Variants in PUM3 observed in about 807,000 individuals in gnomAD.
PUM3 encodes pumilio RNA binding family member 3.
PUM3 carries 91 observed loss-of-function variants against 84.0 expected under a neutral mutation model. The observed-to-expected ratio is 1.08, with a 90% CI of 0.91 to 1.29. The LOEUF (loss-of-function observed/expected upper bound fraction) is 1.29, where lower values mean the gene tolerates loss of function less well. Among genes scored for constraint, PUM3 ranks in the 50% most tolerant of loss-of-function variants. The pLI is 0.00. For synonymous variants in PUM3, 321 were observed against 266.7 expected (o/e 1.20, Z -1.98); for missense variants, 1,067 against 767.5 (o/e 1.39, Z -4.61).
intron 16 of PUM3, among the ~76,000 whole-genome samples, chr9:2,809,407 G>A (rs1821320751): frequency 6.6e-6 from 1 of 152,132 alleles, no homozygotes; most frequent in South Asian, 2.1e-4. Context: ...TAATGAAAAA[G>A]ATTATTCCAT....
At chr9:2,834,241 A>T in intron 3 of PUM3, 75 bp from the exon 4 acceptor site, 1 of 1,314,966 alleles carries the variant, frequency 7.6e-7, no homozygotes, top group East Asian at 2.4e-5. Flanking sequence ...TTAGGTAAAA[A>T]GGGCAATCAC....
intron 13 of PUM3, among the ~76,000 whole-genome samples, chr9:2,814,881 AT>A (rs1821441201): frequency 6.6e-6 from 1 of 152,044 alleles, no homozygotes; most frequent in Non-Finnish European, 1.5e-5. Flanking sequence ...TTTAGTTAAC[AT>A]TTTTTTCCTT....
At chr9:2,814,844 G>C (rs1175687026) in intron 13 of PUM3, among the ~76,000 whole-genome samples, 4 of 152,126 alleles carry the variant, frequency 2.6e-5, no homozygotes, top group African/African-American at 4.8e-5. Context: ...AGTATGTAGT[G>C]AACAACTATA....
At position 2,815,322 on chromosome 9, in the gene PUM3, A is replaced by G. The variant is rs192694923; in HGVS notation, c.1270-2960T>C. 6.9e-4 allele frequency among the ~76,000 whole-genome samples: 105 copies of G among 152,282 alleles called. 1 individual carries two copies. The highest frequency in any genetic ancestry group is 2.5e-3 in the African/African-American group (103 of 41,552). Reference sequence around the variant, plus strand: ...TTACAGCTTTCCCCTACCATCAAAAACATACACCTTTGAAAGAGTACTACT... The same window carrying G: ...TTACAGCTTTCCCCTACCATCAAAAGCATACACCTTTGAAAGAGTACTACT... On this transcript the variant is annotated intron_variant, in intron 13 of 17. Transcript: ENST00000397885.
chr9:2,841,557 G>A (rs946299367), intron 1 of PUM3, among the ~76,000 whole-genome samples: 2 of 152,168 alleles, frequency 1.3e-5, no homozygotes, highest in Non-Finnish European at 2.9e-5. Flanking sequence ...AACAGAGTGA[G>A]ACTCTATTTC....
At position 2,834,682 on chromosome 9, in the gene PUM3, G is replaced by A. The variant is rs551387748; in HGVS notation, c.305-516C>T. 2.6e-5 allele frequency among the ~76,000 whole-genome samples: 4 copies of A among 152,266 alleles called. No individual in the cohort carries two copies. In the South Asian group the frequency reaches 8.3e-4, roughly 32 times the overall value. ...TTCCATGGTGGGGAAAAAGAACAAA[G>A]CAGTTGAGCTCTCTATCTGAGGCCA... On this transcript the variant is annotated intron_variant, in intron 3 of 17. Coordinates refer to ENST00000397885, the MANE Select transcript of PUM3 (RefSeq NM_014878.5).
In PUM3 at chr9:2,820,073, A is replaced by C; in HGVS notation, c.1214T>G (p.Leu405Arg). The change falls in exon 13 of 18, where the codon CTG (leucine) becomes CGG (arginine). Residue 405 changes from leucine to arginine, a missense_variant. By Grantham distance (102) the Leu-to-Arg change is moderately radical. Transcript: ENST00000397885. Reference sequence around the variant, plus strand: ...ATCATCAATACAATCAAATGCCGCCAGTAAAACCAAATGGGAGTATTGGCC... The same window carrying C: ...ATCATCAATACAATCAAATGCCGCCCGTAAAACCAAATGGGAGTATTGGCC... ...ANGQYSHLVL[L>R]AAFDCIDDTK... 6.2e-7 allele frequency: 1 copy of C among 1,612,816 alleles called. No homozygotes were observed. The highest frequency in any genetic ancestry group is 8.5e-7 in the Non-Finnish European group (1 of 1,178,958).
intron 16 of PUM3, among the ~76,000 whole-genome samples, chr9:2,809,591 A>C (rs969246836): frequency 6.6e-6 from 1 of 152,190 alleles, no homozygotes; most frequent in Non-Finnish European, 1.5e-5. Flanking sequence ...ACATGAATTC[A>C]TGATCTGTCA....
Position 2,830,988 on chromosome 9 carries a change from A to G in PUM3, c.651T>C (p.Asn217=). ...CATACATGAGAAATTTCTTAACAAT[A>G]TTTCTCGAATATTTGGCTTTACTTA... ...VELSKAKYSR[N]IVKKFLMYGS... The change falls in exon 7 of 18, where the codon AAT becomes AAC. Residue 217 remains asparagine, a synonymous_variant. Coordinates refer to ENST00000397885, the MANE Select transcript of PUM3 (RefSeq NM_014878.5). 6.7e-7 allele frequency: 1 copy of G among 1,489,820 alleles called. No homozygotes were observed. The highest frequency in any genetic ancestry group is 1.2e-5 in the South Asian group (1 of 86,364). The allele number at this position is 1,489,820 out of a possible 1,614,324, so 92.3% of individuals were successfully genotyped here.
At position 2,829,862 on chromosome 9, in the gene PUM3, A is replaced by T. The variant is rs769701789; in HGVS notation, c.764T>A (p.Val255Glu). 1 of 1,614,056 alleles carries T rather than the reference A, an allele frequency of 6.2e-7. No individual in the cohort carries two copies. Among genetic ancestry groups the T allele is most frequent in the South Asian group, 1.1e-5 (1 of 91,090 alleles). ...GGCTTTGTCATTGTATGCGTACTCCACGATGGCTGATGCTTCCGCATGCCG... is the reference window on the plus strand; with the variant it reads ...GGCTTTGTCATTGTATGCGTACTCCTCGATGGCTGATGCTTCCGCATGCCG... ...MLRHAEASAIVEYAYNDKAIL... is the reference protein window; with the variant it reads ...MLRHAEASAIEEYAYNDKAIL... Residue 255 changes from valine to glutamate, a missense_variant, in exon 8 of 18, where the codon GTG becomes GAG. Val to Glu is a moderately radical substitution (Grantham distance 121). Coordinates refer to ENST00000397885, the MANE Select transcript of PUM3 (RefSeq NM_014878.5).
intron 2 of PUM3, 140 bp downstream of exon 2, chr9:2,838,286 T>C: frequency 3.1e-6 from 2 of 641,988 alleles, no homozygotes; most frequent in Non-Finnish European, 5.6e-6. Flanking sequence ...AGCAACATGT[T>C]AACTCATACA....
intron 13 of PUM3, among the ~76,000 whole-genome samples, chr9:2,813,859 C>T (rs889076528): frequency 3.9e-5 from 6 of 152,132 alleles, no homozygotes; most frequent in Non-Finnish European, 5.9e-5. Context: ...AGCTAACACT[C>T]GTTAAGTGCT....
intron 10 of PUM3, among the ~76,000 whole-genome samples, chr9:2,826,434 A>G (rs2129846422): frequency 6.6e-6 from 1 of 152,088 alleles, no homozygotes; most frequent in African/African-American, 2.4e-5. Flanking sequence ...AAGAGGGTCA[A>G]AACTCCAATG....
In PUM3 at chr9:2,834,113, GTTCT is replaced by G. The variant is rs771254842; in HGVS notation, c.354_357del (p.Lys118AsnfsTer2). ...TCACTGAGTTGTCTGCTTTGCTTCA[GTTCT>G]TTCTTCTTCTTTTTGAAGTCATCCC... On this transcript the variant is annotated frameshift_variant, in exon 4 of 18. Coordinates refer to ENST00000397885, the MANE Select transcript of PUM3 (RefSeq NM_014878.5). LOFTEE classifies it high-confidence loss of function. The G allele has an allele frequency of 6.2e-7, 1 of 1,613,636 alleles. No homozygotes were observed. The highest frequency in any genetic ancestry group is 8.5e-7 in the Non-Finnish European group (1 of 1,179,720).
chr9:2,826,449 T>C (rs534403471), intron 10 of PUM3, among the ~76,000 whole-genome samples: 1 of 150,926 alleles, frequency 6.6e-6, no homozygotes, highest in South Asian at 2.1e-4. Context: ...CCAATGAATG[T>C]ATAGTCTGGC....
intron 3 of PUM3, among the ~76,000 whole-genome samples, chr9:2,835,218 G>C (rs1376166438): frequency 6.6e-6 from 1 of 152,156 alleles, no homozygotes; most frequent in East Asian, 1.9e-4. Flanking sequence ...TTTGAGATCA[G>C]CCTGGGCGAA....
intron 11 of PUM3, among the ~76,000 whole-genome samples, chr9:2,824,242 G>C (rs543597012): frequency 1.3e-5 from 2 of 152,016 alleles, no homozygotes; most frequent in Non-Finnish European, 2.9e-5. Context: ...ATCTTTTAAA[G>C]GCAGAATTAT....
At chr9:2,805,590 A>G (rs957023092) in intron 17 of PUM3, among the ~76,000 whole-genome samples, 1 of 152,338 alleles carries the variant, frequency 6.6e-6, no homozygotes, top group South Asian at 2.1e-4. Flanking sequence ...TACGATGCTA[A>G]AAAGTAAAGT....
intron 14 of PUM3, 148 bp from the exon 15 acceptor site, chr9:2,811,731 A>G (rs12340161): frequency 0.066 from 41,652 of 633,862 alleles, 2,847 homozygotes; most frequent in African/African-American, 0.27. Flanking sequence ...TGTAGACAAT[A>G]AGTGATACGA....
Sources: allele counts gnomAD v4.1 joint callset (sites outside exome capture counted in the v4.1 genomes callset), GRCh38; gene constraint gnomAD v4.1.1; transcripts MANE v1.5; gene names NCBI Gene and HGNC (gene_info 2026-07-23, HGNC 2026-07-21).